Variants in VEPH1 observed in about 807,000 individuals in gnomAD.
VEPH1 encodes ventricular zone-expressed PH domain-containing protein homolog 1.
A neutral mutation model predicts 85.2 loss-of-function variants in VEPH1; 80 were observed. The observed-to-expected ratio is 0.94, with a 90% CI of 0.78 to 1.13. The LOEUF (loss-of-function observed/expected upper bound fraction) is 1.13. Ranked by LOEUF, VEPH1 falls within the 50% of genes most tolerant of loss-of-function variation. VEPH1 has a pLI of 0.00. For missense variants in VEPH1, 955 were observed against 980.5 expected, an observed-to-expected ratio of 0.97 and a Z score of 0.35; for synonymous variants, 297 against 348.0, an observed-to-expected ratio of 0.85 and a Z score of 1.63.
intron 4 of VEPH1, among the ~76,000 whole-genome samples, chr3:157,448,320 A>G (rs1367005905): frequency 3.3e-5 from 5 of 152,208 alleles, no homozygotes; most frequent in Non-Finnish European, 5.9e-5. Context: ...TTAAGTTTCC[A>G]ATCATTTGAA....
chr3:157,363,891 A>G, intron 8 of VEPH1, 130 bp from the exon 9 acceptor site: 2 of 1,032,444 alleles, frequency 1.9e-6, no homozygotes, highest in Non-Finnish European at 2.7e-6. Context: ...GGCCTGATAA[A>G]TGTATACCAC....
At chr3:157,407,187 T>C (rs778632222) in intron 6 of VEPH1, among the ~76,000 whole-genome samples, 2 of 152,150 alleles carry the variant, frequency 1.3e-5, no homozygotes, top group South Asian at 2.1e-4. Flanking sequence ...ACATTCTATT[T>C]TGGTCCTCTG....
At chr3:157,483,669 GAT>G (rs1268481348) in intron 2 of VEPH1, among the ~76,000 whole-genome samples, 2 of 152,082 alleles carry the variant, frequency 1.3e-5, no homozygotes, top group Non-Finnish European at 2.9e-5. Context: ...TGGATTGGAA[GAT>G]AGAGCTGAGA....
intron 9 of VEPH1, among the ~76,000 whole-genome samples, chr3:157,323,606 C>T (rs1721588069): frequency 6.6e-6 from 1 of 152,168 alleles, no homozygotes; most frequent in South Asian, 2.1e-4. Context: ...GTACTATGCT[C>T]ATTTCCCCAT....
chr3:157,391,221 C>T (rs537682027), intron 6 of VEPH1, among the ~76,000 whole-genome samples: 1 of 152,320 alleles, frequency 6.6e-6, no homozygotes, highest in Admixed American at 6.5e-5. Context: ...ACAAGGAAAA[C>T]TTGGGCAGAG....
chr3:157,389,012 C>A (rs887506046), intron 6 of VEPH1, among the ~76,000 whole-genome samples: 1 of 152,104 alleles, frequency 6.6e-6, no homozygotes, highest in Non-Finnish European at 1.5e-5. Flanking sequence ...AAAATTACAA[C>A]CCTGAATTAG....
chr3:157,291,048 G>A (rs1455392200), intron 11 of VEPH1, among the ~76,000 whole-genome samples: 2 of 152,182 alleles, frequency 1.3e-5, no homozygotes, highest in Non-Finnish European at 2.9e-5. Flanking sequence ...GCATACATCT[G>A]GAAGAACTTT....
intron 4 of VEPH1, among the ~76,000 whole-genome samples, chr3:157,438,947 C>T (rs1218620053): frequency 2.0e-5 from 3 of 152,040 alleles, no homozygotes; most frequent in Non-Finnish European, 4.4e-5. Flanking sequence ...ACAACTTTTG[C>T]TGGATGGGGA....
At chr3:157,269,588 A>G (rs1421970548) in intron 12 of VEPH1, among the ~76,000 whole-genome samples, 2 of 148,266 alleles carry the variant, frequency 1.3e-5, no homozygotes, top group African/African-American at 2.5e-5. Flanking sequence ...AAATTTTTAT[A>G]TCCCGTATCT....
intron 4 of VEPH1, among the ~76,000 whole-genome samples, chr3:157,436,593 C>G (rs941396722): frequency 6.6e-6 from 1 of 152,158 alleles, no homozygotes; most frequent in Non-Finnish European, 1.5e-5. Context: ...ATTACAACAG[C>G]TAATTCTCAG....
chr3:157,313,833 T>C, intron 10 of VEPH1, 78 bp from the exon 11 acceptor site: 2 of 1,530,950 alleles, frequency 1.3e-6, no homozygotes, highest in South Asian at 2.4e-5. Flanking sequence ...TTCAAGGCAC[T>C]GTTTAGGCTT....
intron 7 of VEPH1, among the ~76,000 whole-genome samples, chr3:157,373,310 A>C (rs1424945724): frequency 1.3e-5 from 2 of 152,224 alleles, no homozygotes; most frequent in East Asian, 3.8e-4. Context: ...ATAGCACGGT[A>C]ACCAAGAAGA....
At chr3:157,466,347 G>T (rs1267373944) in intron 3 of VEPH1, among the ~76,000 whole-genome samples, 1 of 152,100 alleles carries the variant, frequency 6.6e-6, no homozygotes. Context: ...GATCGCTTTT[G>T]TAATAAAAGA....
At chr3:157,311,222 C>T (rs2108504919) in intron 11 of VEPH1, among the ~76,000 whole-genome samples, 1 of 152,264 alleles carries the variant, frequency 6.6e-6, no homozygotes, top group South Asian at 2.1e-4. Context: ...TAAAAAGCAA[C>T]CACAATAACA....
chr3:157,299,191 A>G (rs1718472738), intron 11 of VEPH1, among the ~76,000 whole-genome samples: 1 of 152,170 alleles, frequency 6.6e-6, no homozygotes, highest in South Asian at 2.1e-4. Flanking sequence ...ATTCAGTTTG[A>G]GCAGTCTCTT....
chr3:157,442,335 T>A (rs769273541), intron 4 of VEPH1: 10 of 1,501,388 alleles, frequency 6.7e-6, no homozygotes, highest in African/African-American at 1.4e-5. Context: ...ATATTTTCTT[T>A]AATATTCTTC....
intron 4 of VEPH1, among the ~76,000 whole-genome samples, chr3:157,449,826 A>G (rs904896766): frequency 3.3e-5 from 5 of 151,890 alleles, no homozygotes; most frequent in African/African-American, 4.8e-5. Flanking sequence ...CCATTTTCTT[A>G]TTTAATTGCT....
rs192749378 is a variant in VEPH1, at chr3:157,391,772, C to A, written c.907-10396G>T. On this transcript the variant is annotated intron_variant, in intron 6 of 13. Transcript: ENST00000362010. ...GAGATACCATACAAAATGAACATCA[C>A]CAAGGAATGTAACTACCAGATTGTC... Among the ~76,000 whole-genome samples the A allele has an allele frequency of 1.1e-4, 17 of 152,200 alleles. No individual in the cohort carries two copies. In the East Asian group the frequency reaches 3.3e-3, roughly 29 times the overall value.
chr3:157,273,605 G>A (rs550807122), intron 12 of VEPH1, among the ~76,000 whole-genome samples: 1 of 152,276 alleles, frequency 6.6e-6, no homozygotes, highest in Admixed American at 6.5e-5. Context: ...ATGCATTCTA[G>A]GAACTGTAAC....
Sources: gnomAD v4.1 joint callset for allele counts (sites outside exome capture counted in the v4.1 genomes callset) on GRCh38, gnomAD v4.1.1 for gene constraint, MANE v1.5 for transcripts, NCBI Gene and HGNC (gene_info 2026-07-23, HGNC 2026-07-21) for gene names.